The following HMGCLL1 variants were observed in gnomAD, a reference collection of about 807,000 sequenced individuals.
The protein encoded by HMGCLL1 is 3-hydroxy-3-methylglutaryl-CoA lyase like 1.
HMGCLL1 carries 36 observed loss-of-function variants against 39.1 expected under a neutral mutation model. The ratio of observed to expected loss-of-function variants is 0.92; its 90% CI spans 0.71 to 1.22. HMGCLL1 has a LOEUF of 1.22. HMGCLL1 is among the 50% of genes most tolerant of loss of function. HMGCLL1 has a pLI of 0.00. For missense variants in HMGCLL1, 451 were observed against 416.5 expected (o/e 1.08, Z -0.72); for synonymous variants, 149 against 144.0 (o/e 1.03, Z -0.25).
the HMGCLL1 span, among the ~76,000 whole-genome samples, chr6:55,609,644 C>A: frequency 6.6e-6 from 1 of 151,674 alleles, no homozygotes. Context: ...GGTTTCCCCC[C>A]AGGGCAGCAC....
chr6:55,607,244 T>C, the HMGCLL1 span, among the ~76,000 whole-genome samples: 24 of 152,192 alleles, frequency 1.6e-4, no homozygotes, highest in Non-Finnish European at 3.4e-4. Context: ...AATTTTGCAT[T>C]TCTAACAAAA....
intron 1 of HMGCLL1, among the ~76,000 whole-genome samples, chr6:55,547,615 T>C (rs1208429935): frequency 1.3e-5 from 2 of 152,046 alleles, no homozygotes; most frequent in Admixed American, 1.3e-4. Context: ...AGAACTGCTA[T>C]GATGTTCCAA....
At chr6:55,676,277 A>T in the HMGCLL1 span, among the ~76,000 whole-genome samples, 6 of 152,158 alleles carry the variant, frequency 3.9e-5, no homozygotes, top group Non-Finnish European at 7.4e-5. Context: ...AAGGGGCTGT[A>T]TGTCTCAGCT....
Position 55,510,480 on chromosome 6 carries a change from T to A in HMGCLL1, c.542+3568A>T, listed in dbSNP as rs534097051. Among the ~76,000 whole-genome samples the A allele has an allele frequency of 2.0e-5, 3 of 151,746 alleles. No individual in the cohort carries two copies. In the South Asian group the frequency reaches 6.3e-4, roughly 32 times the overall value. ...GCAGCCATAAAAAATGATGAGTTCA[T>A]GTCCTTTGTAGGGACATGGATGAAA... On this transcript the variant is annotated intron_variant, in intron 5 of 8. Transcript: ENST00000274901.
At position 55,579,163 on chromosome 6, in the gene HMGCLL1, C is replaced by G. The variant is rs1771921846; in HGVS notation, c.-108G>C. The G allele has an allele frequency of 1.2e-6, 1 of 825,702 alleles. No homozygotes were observed. The highest frequency in any genetic ancestry group is 2.0e-5 in the Admixed American group (1 of 49,270). The allele number at this position is 825,702 out of a possible 1,614,324, so 51.1% of individuals were successfully genotyped here. On this transcript the variant is annotated 5_prime_UTR_variant, in exon 1 of 9. Coordinates refer to ENST00000274901, the MANE Select transcript of HMGCLL1 (RefSeq NM_001042406.2). Reference sequence around the variant, plus strand: ...AGCTCGGGAGCGCGCCCCTCCGGTGCACTGGCTGTGAGGACCAGAGCTGTT... The same window carrying G: ...AGCTCGGGAGCGCGCCCCTCCGGTGGACTGGCTGTGAGGACCAGAGCTGTT...
chr6:55,451,961 A>T (rs1395094490), intron 7 of HMGCLL1, among the ~76,000 whole-genome samples: 1 of 152,176 alleles, frequency 6.6e-6, no homozygotes, highest in Non-Finnish European at 1.5e-5. Context: ...ATTCCATTAT[A>T]CCTTCAGCAT....
chr6:55,635,954 A>T, the HMGCLL1 span, among the ~76,000 whole-genome samples: 1 of 152,086 alleles, frequency 6.6e-6, no homozygotes, highest in South Asian at 2.1e-4. Flanking sequence ...AGCATCGCCC[A>T]CCCTCTGACC....
At chr6:55,509,222 T>C (rs896397781) in intron 5 of HMGCLL1, among the ~76,000 whole-genome samples, 2 of 151,932 alleles carry the variant, frequency 1.3e-5, no homozygotes, top group African/African-American at 2.4e-5. Context: ...AGTTGAACAA[T>C]AGAATTTGGA....
chr6:55,556,473 G>A (rs1379108228), intron 1 of HMGCLL1, among the ~76,000 whole-genome samples: 2 of 152,152 alleles, frequency 1.3e-5, no homozygotes, highest in Non-Finnish European at 2.9e-5. Context: ...GTTCTAGCAA[G>A]AACCAGAAGA....
the HMGCLL1 span, among the ~76,000 whole-genome samples, chr6:55,588,558 G>C: frequency 6.6e-6 from 1 of 152,000 alleles, no homozygotes; most frequent in African/African-American, 2.4e-5. Context: ...AAAGATAAGA[G>C]CAGAACTGAA....
At chr6:55,519,507 G>A (rs1395299353) in intron 3 of HMGCLL1, among the ~76,000 whole-genome samples, 1 of 152,110 alleles carries the variant, frequency 6.6e-6, no homozygotes, top group Non-Finnish European at 1.5e-5. Flanking sequence ...TTTAGAGTGT[G>A]AGTACTCTCT....
chr6:55,615,734 G>A, the HMGCLL1 span, among the ~76,000 whole-genome samples: 1 of 152,080 alleles, frequency 6.6e-6, no homozygotes, highest in South Asian at 2.1e-4. Flanking sequence ...CATCATAGGT[G>A]CATTTGTTTA....
the HMGCLL1 span, among the ~76,000 whole-genome samples, chr6:55,657,665 C>T: frequency 6.6e-6 from 1 of 151,940 alleles, no homozygotes; most frequent in South Asian, 2.1e-4. Flanking sequence ...CCTAAATGCC[C>T]ATCAGTGATA....
intron 7 of HMGCLL1, among the ~76,000 whole-genome samples, chr6:55,486,435 G>T (rs1173633998): frequency 1.3e-5 from 2 of 151,806 alleles, no homozygotes; most frequent in South Asian, 4.1e-4. Flanking sequence ...ACAATATTTC[G>T]GGGGGCAACT....
At chr6:55,607,741 C>A in the HMGCLL1 span, among the ~76,000 whole-genome samples, 3 of 152,226 alleles carry the variant, frequency 2.0e-5, no homozygotes, top group South Asian at 6.2e-4. Flanking sequence ...AGGTGTTGAT[C>A]CCAAGAGCCT....
At chr6:55,593,882 T>C in the HMGCLL1 span, among the ~76,000 whole-genome samples, 1 of 152,084 alleles carries the variant, frequency 6.6e-6, no homozygotes, top group Non-Finnish European at 1.5e-5. Context: ...CACGGAGAGG[T>C]AAATTACTTG....
the HMGCLL1 span, among the ~76,000 whole-genome samples, chr6:55,619,065 T>G: frequency 6.6e-6 from 1 of 151,826 alleles, no homozygotes; most frequent in South Asian, 2.1e-4. Flanking sequence ...CCCTGGATGG[T>G]AGAAATTGTC....
At chr6:55,536,316 A>G (rs537903974) in intron 3 of HMGCLL1, among the ~76,000 whole-genome samples, 1 of 152,318 alleles carries the variant, frequency 6.6e-6, no homozygotes, top group African/African-American at 2.4e-5. Context: ...AATATTTTTA[A>G]ACTAAGCCTT....
chr6:55,516,446 T>C, intron 4 of HMGCLL1, 62 bp downstream of exon 4: 1 of 1,088,302 alleles, frequency 9.2e-7, no homozygotes, highest in Non-Finnish European at 1.4e-6. Flanking sequence ...ATTTTAACTT[T>C]GTAAATATCT....
Sources: gnomAD v4.1 joint callset for allele counts (sites outside exome capture counted in the v4.1 genomes callset) on GRCh38, gnomAD v4.1.1 for gene constraint, MANE v1.5 for transcripts, NCBI Gene and HGNC (gene_info 2026-07-23, HGNC 2026-07-21) for gene names.